ZC3H13: variants seen among roughly 807,000 people sequenced by gnomAD.
ZC3H13 encodes zinc finger CCCH-type containing 13, also known as zinc finger CCCH domain-containing protein 13.
ZC3H13 carries 64 observed loss-of-function variants against 204.1 expected under a neutral mutation model. That is an observed-to-expected ratio of 0.31 (90% CI 0.26 to 0.39). The LOEUF is 0.39. Ranked by LOEUF, ZC3H13 falls within the 10% of genes least tolerant of loss-of-function variation. The pLI is 1.00. For synonymous variants in ZC3H13, 667 were observed against 693.7 expected (o/e 0.96, Z 0.60); for missense variants, 1,833 against 2,082.7 (o/e 0.88, Z 2.33).
chr13:45,968,078 G>C (rs761356004), intron 14 of ZC3H13, 50 bp from the exon 15 acceptor site: 1 of 1,487,078 alleles, frequency 6.7e-7, no homozygotes, highest in East Asian at 2.3e-5. Context: ...TGATAAAATA[G>C]AAACAAAATG....
In ZC3H13 at chr13:45,963,857, A is replaced by C; in HGVS notation, c.4660T>G (p.Leu1554Val). The C allele has an allele frequency of 6.2e-7, 1 of 1,614,022 alleles. No individual in the cohort carries two copies. Among genetic ancestry groups the C allele is most frequent in the Non-Finnish European group, 8.5e-7 (1 of 1,179,952 alleles). ...ATGAAACTACCTTTGGGTTTTTCTAAAAGTCTCTGACATGTTTCTTTGACT... is the reference window on the plus strand; with the variant it reads ...ATGAAACTACCTTTGGGTTTTTCTACAAGTCTCTGACATGTTTCTTTGACT... Reference protein sequence around the residue: ...AKVKETCQRLLEKPKDADNLF... With the variant: ...AKVKETCQRLVEKPKDADNLF... Residue 1554 changes from leucine (L) to valine (V), a missense_variant, in exon 17 of 19, where the codon TTA (leucine) becomes GTA (valine). Leu to Val is a conservative substitution (Grantham distance 32, BLOSUM62 1). Around this residue, in one of 5 missense-constraint regions of ZC3H13, gnomAD observed 211 missense variants for 228.4 expected, o/e 0.92. Coordinates refer to ENST00000679008, the MANE Select transcript of ZC3H13 (RefSeq NM_001330564.2).
At chr13:46,039,198 G>C (rs915233066) in intron 4 of ZC3H13, among the ~76,000 whole-genome samples, 10 of 152,236 alleles carry the variant, frequency 6.6e-5, no homozygotes, top group African/African-American at 2.4e-4. Flanking sequence ...GGGAAAGCAA[G>C]AATCAGGCTT....
chr13:46,034,854 G>C (rs1205962508), intron 4 of ZC3H13, among the ~76,000 whole-genome samples: 1 of 152,164 alleles, frequency 6.6e-6, no homozygotes, highest in African/African-American at 2.4e-5. Context: ...ATTACAGTTA[G>C]AGAAATCAGT....
In ZC3H13 at chr13:46,037,588, C is replaced by T. The variant is rs149388226; in HGVS notation, c.339+4576G>A. Among the ~76,000 whole-genome samples the T allele has an allele frequency of 3.6e-3, 544 of 152,258 alleles. 6 individuals carry two copies. Among genetic ancestry groups the T allele is most frequent in the African/African-American group, 0.013 (522 of 41,556 alleles). The stretch of plus-strand genomic sequence containing the variant: ...AATGAAAATACAATTCCATTTTAAT[C>T]TGAAAACCTCTACTGATTAAATGCA... On this transcript the variant is annotated intron_variant, in intron 4 of 18. Transcript: ENST00000679008.
chr13:46,026,520 T>A (rs1472331814), intron 4 of ZC3H13, among the ~76,000 whole-genome samples: 1 of 151,996 alleles, frequency 6.6e-6, no homozygotes, highest in African/African-American at 2.4e-5. Context: ...ACCTTTTTTT[T>A]AAAGCATGGG....
chr13:46,027,848 T>C (rs1019250289), intron 4 of ZC3H13, among the ~76,000 whole-genome samples: 2 of 152,058 alleles, frequency 1.3e-5, no homozygotes, highest in African/African-American at 2.4e-5. Flanking sequence ...AAGAATCACA[T>C]AAATGCTCAA....
At chr13:46,033,755 C>T (rs1276910997) in intron 4 of ZC3H13, among the ~76,000 whole-genome samples, 2 of 151,926 alleles carry the variant, frequency 1.3e-5, no homozygotes, top group African/African-American at 2.4e-5. Flanking sequence ...GCTGGGAATA[C>T]GTGATCTTCA....
intron 17 of ZC3H13, chr13:45,963,000 A>C: frequency 2.0e-6 from 2 of 985,460 alleles, no homozygotes; most frequent in Non-Finnish European, 2.4e-6. Flanking sequence ...AGTGAGGTCA[A>C]AAATCAGCGT....
At chr13:46,014,606 A>C (rs2041800587) in intron 5 of ZC3H13, among the ~76,000 whole-genome samples, 1 of 152,168 alleles carries the variant, frequency 6.6e-6, no homozygotes. Flanking sequence ...TTCTAAATTC[A>C]TTAACTGATT....
At chr13:46,022,409 T>C (rs1163561996) in intron 4 of ZC3H13, among the ~76,000 whole-genome samples, 1 of 152,000 alleles carries the variant, frequency 6.6e-6, no homozygotes, top group Non-Finnish European at 1.5e-5. Context: ...AATGTGTAAC[T>C]TGTTTAGGTA....
At chr13:46,013,588 T>C (rs540793975) in intron 5 of ZC3H13, among the ~76,000 whole-genome samples, 4 of 152,214 alleles carry the variant, frequency 2.6e-5, no homozygotes, top group Non-Finnish European at 4.4e-5. Context: ...GATAGGCACA[T>C]TGCAACTGAC....
intron 5 of ZC3H13, among the ~76,000 whole-genome samples, chr13:46,011,829 G>A (rs2041584762): frequency 6.6e-6 from 1 of 152,090 alleles, no homozygotes. Context: ...TTTTTGTTAG[G>A]AGATGGAATT....
chr13:46,037,966 G>A (rs904402017), intron 4 of ZC3H13, among the ~76,000 whole-genome samples: 1 of 152,130 alleles, frequency 6.6e-6, no homozygotes, highest in African/African-American at 2.4e-5. Context: ...TGACAGCACA[G>A]ACCTTACATC....
chr13:46,046,435 G>A (rs573138020), intron 1 of ZC3H13, among the ~76,000 whole-genome samples: 147 of 148,854 alleles, frequency 9.9e-4, no homozygotes, highest in African/African-American at 3.5e-3. Context: ...GAGGCGGGCG[G>A]ATCATGAGGT....
At chr13:46,025,723 A>G (rs2042504625) in intron 4 of ZC3H13, among the ~76,000 whole-genome samples, 1 of 152,212 alleles carries the variant, frequency 6.6e-6, no homozygotes, top group South Asian at 2.1e-4. Context: ...ATTTTCTTTG[A>G]GCAGCTCTAG....
At chr13:46,050,002 G>C (rs1326663273) in intron 1 of ZC3H13, among the ~76,000 whole-genome samples, 1 of 151,956 alleles carries the variant, frequency 6.6e-6, no homozygotes, top group African/African-American at 2.4e-5. Context: ...TCTCAAACAC[G>C]AGCATTATCA....
At chr13:45,991,570 T>G (rs2039973592) in intron 8 of ZC3H13, among the ~76,000 whole-genome samples, 2 of 152,250 alleles carry the variant, frequency 1.3e-5, no homozygotes, top group Non-Finnish European at 2.9e-5. Flanking sequence ...TAAAGTACAT[T>G]TCCACTTAGA....
At chr13:46,028,643 A>G (rs2042689360) in intron 4 of ZC3H13, among the ~76,000 whole-genome samples, 1 of 152,228 alleles carries the variant, frequency 6.6e-6, no homozygotes, top group African/African-American at 2.4e-5. Flanking sequence ...AGAAATCTGT[A>G]ACAGAAAGAT....
At chr13:45,981,239 G>C (rs1953569605) in intron 10 of ZC3H13, among the ~76,000 whole-genome samples, 1 of 152,176 alleles carries the variant, frequency 6.6e-6, no homozygotes, top group Non-Finnish European at 1.5e-5. Context: ...CTTTGACAAA[G>C]ATGAGTTCAC....
Sources: gnomAD v4.1 joint callset for allele counts (sites outside exome capture counted in the v4.1 genomes callset) on GRCh38, gnomAD v4.1.1 for gene constraint, gnomAD v4.1.1 regional missense constraint, MANE v1.5 for transcripts, NCBI Gene and HGNC (gene_info 2026-07-23, HGNC 2026-07-21) for gene names.